The following LRP1B variants were observed in gnomAD, a reference collection of about 807,000 sequenced individuals.
LRP1B encodes low-density lipoprotein receptor-related protein 1B.
A neutral mutation model predicts 556.6 loss-of-function variants in LRP1B; 217 were observed. That is an observed-to-expected ratio of 0.39 (90% CI 0.35 to 0.44). The LOEUF (loss-of-function observed/expected upper bound fraction) is 0.44, where lower values mean the gene tolerates loss of function less well. Among genes scored for constraint, LRP1B ranks in the 20% least tolerant of loss-of-function variants. The probability of loss-of-function intolerance (pLI) is 1.00; values close to 1 mark genes in which losing one functional copy is unlikely to be tolerated. For synonymous variants in LRP1B, 2,047 were observed against 1,865.8 expected (o/e 1.10, Z -2.50); for missense variants, 5,053 against 5,620.8 (o/e 0.90, Z 3.23).
chr2:140,886,291 T>C lies in LRP1B; in HGVS notation c.3811A>G (p.Arg1271Gly). The change falls in exon 24 of 91, where the codon AGA (arginine) becomes GGA (glycine). Residue 1271 changes from arginine (R) to glycine (G), a missense_variant. Physicochemically the swap from Arg to Gly is moderately radical, Grantham distance 125 (BLOSUM62 -2). Transcript: ENST00000389484. ...FIIFSIRHEI[R>G]RIDLHKRDYS... Reference sequence around the variant, plus strand: ...TCTCTTTTGTGAAGATCAATCCTTCTGATCTCATGACGAATAGAAAAGATG... The same window carrying C: ...TCTCTTTTGTGAAGATCAATCCTTCCGATCTCATGACGAATAGAAAAGATG... 2 of 1,606,834 alleles carry C rather than the reference T, an allele frequency of 1.2e-6. No individual in the cohort carries two copies. The highest frequency in any genetic ancestry group is 2.7e-5 in the African/African-American group (2 of 74,936).
intron 17 of LRP1B, among the ~76,000 whole-genome samples, chr2:140,983,851 T>C (rs915106335): frequency 6.6e-6 from 1 of 152,008 alleles, no homozygotes; most frequent in African/African-American, 2.4e-5. Context: ...TCATCATTTA[T>C]TTTAAATTAA....
At chr2:141,689,447 AAAAC>A (rs1691432947) in intron 2 of LRP1B, among the ~76,000 whole-genome samples, 2 of 151,850 alleles carry the variant, frequency 1.3e-5, no homozygotes, top group Admixed American at 1.3e-4. Context: ...AATAAGGAGA[AAAAC>A]AATCTATACA....
intron 1 of LRP1B, among the ~76,000 whole-genome samples, chr2:141,926,025 T>A (rs577171611): frequency 3.9e-4 from 59 of 152,332 alleles, no homozygotes; most frequent in African/African-American, 1.3e-3. Context: ...GTAGAAATTA[T>A]CACCATCATG....
intron 3 of LRP1B, among the ~76,000 whole-genome samples, chr2:141,420,039 G>T (rs1680079848): frequency 6.6e-6 from 1 of 152,040 alleles, no homozygotes; most frequent in South Asian, 2.1e-4. Flanking sequence ...TTATCTATAG[G>T]GCTATTAAAG....
chr2:142,067,740 A>G (rs1240508532), intron 1 of LRP1B, among the ~76,000 whole-genome samples: 3 of 151,552 alleles, frequency 2.0e-5, no homozygotes, highest in African/African-American at 7.2e-5. Flanking sequence ...CTCCTGTACA[A>G]TATTGGCATC....
chr2:141,579,412 C>G (rs1166639819), intron 2 of LRP1B, among the ~76,000 whole-genome samples: 1 of 152,102 alleles, frequency 6.6e-6, no homozygotes, highest in Non-Finnish European at 1.5e-5. Context: ...AAAAGAAGAT[C>G]TCCAGCCTCT....
intron 1 of LRP1B, among the ~76,000 whole-genome samples, chr2:141,983,462 A>C (rs1702099040): frequency 6.6e-6 from 1 of 151,966 alleles, no homozygotes; most frequent in Non-Finnish European, 1.5e-5. Flanking sequence ...ATTTTTTTTT[A>C]CTGAGCCCCT....
intron 1 of LRP1B, among the ~76,000 whole-genome samples, chr2:141,864,555 T>A (rs1376268853): frequency 2.6e-5 from 3 of 116,942 alleles, no homozygotes; most frequent in Admixed American, 1.1e-4. Flanking sequence ...TGCATTAAAA[T>A]CTTGAGGGAA....
chr2:140,323,730 T>C (rs562021386), intron 81 of LRP1B, among the ~76,000 whole-genome samples, 163 bp downstream of exon 81: 30 of 152,142 alleles, frequency 2.0e-4, no homozygotes, highest in African/African-American at 7.0e-4. Context: ...GAATTATCTA[T>C]AGTTTGGTAA....
chr2:140,684,235 A>T (rs1332853965), intron 41 of LRP1B, among the ~76,000 whole-genome samples: 1 of 152,214 alleles, frequency 6.6e-6, no homozygotes, highest in East Asian at 1.9e-4. Context: ...AAAATTACTT[A>T]AAAAATTATG....
chr2:142,115,562 G>T lies in LRP1B; in HGVS notation c.82+15086C>A, dbSNP rs866558999. Among the ~76,000 whole-genome samples the T allele has an allele frequency of 2.5e-3, 103 of 41,440 alleles. 16 individuals are homozygous for T. Among genetic ancestry groups the T allele is most frequent in the African/African-American group, 3.6e-3 (36 of 9,978 alleles). 27.2% of individuals were successfully genotyped at this position (41,440 alleles called of 152,430 possible). A position where few individuals can be genotyped will look rare whatever the true frequency, so the allele number is the denominator to read the frequency against. On this transcript the variant is annotated intron_variant, in intron 1 of 90. Transcript: ENST00000389484. ...CATATGTAATATATATATTATATAT[G>T]TAATATATATTATATATGTAATATA... is the stretch of plus-strand genomic sequence containing the variant.
At chr2:141,656,524 A>C (rs1464348929) in intron 2 of LRP1B, among the ~76,000 whole-genome samples, 1 of 152,138 alleles carries the variant, frequency 6.6e-6, no homozygotes, top group Non-Finnish European at 1.5e-5. Flanking sequence ...ACCAAAGAAC[A>C]TTTTTATTTC....
chr2:140,381,692 C>T (rs2105189941), intron 67 of LRP1B, among the ~76,000 whole-genome samples: 1 of 151,416 alleles, frequency 6.6e-6, no homozygotes, highest in African/African-American at 2.4e-5. Flanking sequence ...GTGAAAACCC[C>T]CTGCACAAAA....
intron 43 of LRP1B, among the ~76,000 whole-genome samples, chr2:140,556,608 C>G (rs2105065350): frequency 6.6e-6 from 1 of 152,110 alleles, no homozygotes; most frequent in East Asian, 1.9e-4. Context: ...GTTACTGTGT[C>G]TTTTGTTATA....
At chr2:141,197,431 G>A (rs17592904) in intron 6 of LRP1B, among the ~76,000 whole-genome samples, 59,095 of 151,872 alleles carry the variant, frequency 0.39, 11,968 homozygotes, top group East Asian at 0.71. Flanking sequence ...CTTATTGTCC[G>A]AAATTGTCTC....
At chr2:140,998,736 T>A (rs1697325866) in intron 15 of LRP1B, among the ~76,000 whole-genome samples, 1 of 152,098 alleles carries the variant, frequency 6.6e-6, no homozygotes, top group African/African-American at 2.4e-5. Flanking sequence ...ATGTTGCAAG[T>A]TCATTGAGAA....
intron 3 of LRP1B, among the ~76,000 whole-genome samples, chr2:141,266,472 C>A (rs1189816027): frequency 6.6e-6 from 1 of 151,926 alleles, no homozygotes; most frequent in African/African-American, 2.4e-5. Flanking sequence ...CTGATGTATG[C>A]CACTAGGTAT....
At chr2:141,769,532 A>G (rs1694832742) in intron 2 of LRP1B, among the ~76,000 whole-genome samples, 1 of 152,184 alleles carries the variant, frequency 6.6e-6, no homozygotes, top group Non-Finnish European at 1.5e-5. Context: ...TTAGGGCAAT[A>G]GGGAACTTGG....
intron 7 of LRP1B, among the ~76,000 whole-genome samples, chr2:141,109,152 C>T (rs4954885): frequency 6.6e-6 from 1 of 152,104 alleles, no homozygotes; most frequent in South Asian, 2.1e-4. Context: ...AAAACAAGGA[C>T]CATTTTCCAC....
Sources: allele counts gnomAD v4.1 joint callset (sites outside exome capture counted in the v4.1 genomes callset), GRCh38; gene constraint gnomAD v4.1.1; transcripts MANE v1.5; gene names NCBI Gene and HGNC (gene_info 2026-07-23, HGNC 2026-07-21).